The following DCBLD1 variants were observed in gnomAD, a reference collection of about 807,000 sequenced individuals.
DCBLD1 encodes discoidin, CUB and LCCL domain-containing protein 1.
A neutral mutation model predicts 71.5 loss-of-function variants in DCBLD1; 57 were observed. The observed-to-expected ratio is 0.80, with a 90% CI of 0.64 to 0.99. The LOEUF is 0.99. DCBLD1 is among the 50% of genes least tolerant of loss of function. The pLI is 0.00. For synonymous variants in DCBLD1, 380 were observed against 363.8 expected (o/e 1.04, Z -0.51); for missense variants, 891 against 923.5 (o/e 0.96, Z 0.46).
At chr6:117,567,182 A>G (rs1307399047) in intron 14 of DCBLD1, 3 of 564,736 alleles carry the variant, frequency 5.3e-6, no homozygotes, top group Non-Finnish European at 8.8e-6. Flanking sequence ...TCTAGAATCT[A>G]AAGAGGTAGT....
intron 14 of DCBLD1, chr6:117,560,660 A>G (rs1436906947): frequency 2.0e-5 from 4 of 196,386 alleles, no homozygotes; most frequent in Non-Finnish European, 4.2e-5. Context: ...TATTTTAACA[A>G]TAGTCTCACC....
chr6:117,509,280 A>T (rs569184248), intron 2 of DCBLD1, among the ~76,000 whole-genome samples: 1 of 152,242 alleles, frequency 6.6e-6, no homozygotes, highest in East Asian at 1.9e-4. Context: ...AAAAATACAA[A>T]GATTAGCTGG....
At chr6:117,518,515 G>T (rs1195983300) in intron 2 of DCBLD1, among the ~76,000 whole-genome samples, 1 of 152,098 alleles carries the variant, frequency 6.6e-6, no homozygotes, top group African/African-American at 2.4e-5. Flanking sequence ...CAACTTAACT[G>T]TATTAGTCCG....
intron 1 of DCBLD1, among the ~76,000 whole-genome samples, chr6:117,498,058 A>G (rs1386453258): frequency 6.6e-6 from 1 of 152,228 alleles, no homozygotes; most frequent in Non-Finnish European, 1.5e-5. Context: ...TGGAGATATC[A>G]GTTTGGCTGT....
chr6:117,556,843 G>A lies in DCBLD1; in HGVS notation c.1615+11246G>A, dbSNP rs1007977721. Reference sequence around the variant, plus strand: ...TGTACTAATTTACATTCCCACCAACGGTGTAAGTGCTCCCTTTACTCTGTA... The same window carrying A: ...TGTACTAATTTACATTCCCACCAACAGTGTAAGTGCTCCCTTTACTCTGTA... On this transcript the variant is annotated intron_variant, in intron 14 of 14. Transcript: ENST00000296955. Among the ~76,000 whole-genome samples the A allele has an allele frequency of 3.9e-5, 6 of 152,166 alleles. No individual in the cohort carries two copies. In the East Asian group the frequency reaches 9.7e-4, roughly 25 times the overall value.
intron 1 of DCBLD1, among the ~76,000 whole-genome samples, chr6:117,496,319 G>A (rs908505095): frequency 6.6e-6 from 1 of 152,100 alleles, no homozygotes; most frequent in African/African-American, 2.4e-5. Flanking sequence ...ATCATTACAA[G>A]TTCTGTTTTG....
downstream of DCBLD1, chr6:117,549,940 A>G: frequency 1.2e-6 from 1 of 836,778 alleles, no homozygotes; most frequent in Non-Finnish European, 1.4e-6. Context: ...CTACCACAGA[A>G]GAGAAGTCTG....
chr6:117,533,249 A>G (rs542833314), intron 6 of DCBLD1, among the ~76,000 whole-genome samples: 1 of 152,330 alleles, frequency 6.6e-6, no homozygotes, highest in South Asian at 2.1e-4. Flanking sequence ...CAGAGGTTTT[A>G]GGCGTTTTGG....
At chr6:117,501,895 T>C (rs1439513788) in intron 1 of DCBLD1, among the ~76,000 whole-genome samples, 1 of 152,132 alleles carries the variant, frequency 6.6e-6, no homozygotes, top group African/African-American at 2.4e-5. Context: ...CTGGACTCTT[T>C]TTGCTGTCTA....
intron 11 of DCBLD1, among the ~76,000 whole-genome samples, chr6:117,541,449 A>G (rs1037169095): frequency 4.1e-4 from 62 of 152,342 alleles, no homozygotes; most frequent in African/African-American, 1.4e-3. Flanking sequence ...GAAACAAAGA[A>G]TAAATATTCA....
chr6:117,525,433 A>T lies in DCBLD1; in HGVS notation c.584A>T (p.Asp195Val). Residue 195 changes from aspartate to valine, a missense_variant and splice_region_variant, in exon 5 of 15, where the codon GAT (aspartate) becomes GTT (valine). Asp to Val is a radical substitution (Grantham distance 152). Transcript: ENST00000338728. Reference sequence around the variant, plus strand: ...GGGAATATGGTAGATGGATATAGAGATGTAAGTAATTGAGGGTAATGGCAG... The same window carrying T: ...GGGAATATGGTAGATGGATATAGAGTTGTAAGTAATTGAGGGTAATGGCAG... ...ISGNMVDGYR[D>V]TSLLCKAAIH... The T allele has an allele frequency of 2.0e-6, 3 of 1,485,896 alleles. No individual in the cohort carries two copies. Among genetic ancestry groups the T allele is most frequent in the Non-Finnish European group, 2.7e-6 (3 of 1,115,280 alleles). The allele number at this position is 1,485,896 out of a possible 1,614,324, so 92.0% of individuals were successfully genotyped here.
chr6:117,514,468 A>G (rs953594745), intron 2 of DCBLD1, among the ~76,000 whole-genome samples: 3 of 152,028 alleles, frequency 2.0e-5, no homozygotes, highest in African/African-American at 7.2e-5. Flanking sequence ...TTAGCTGGAC[A>G]TGGTGGCACA....
At chr6:117,533,011 A>G (rs1314832378) in intron 6 of DCBLD1, among the ~76,000 whole-genome samples, 1 of 152,194 alleles carries the variant, frequency 6.6e-6, no homozygotes, top group Admixed American at 6.5e-5. Flanking sequence ...GTAAAACTAG[A>G]GCTGTGTAGA....
chr6:117,548,193 C>A lies in DCBLD1; in HGVS notation c.1902C>A (p.Leu634=). The A allele has an allele frequency of 3.2e-6, 5 of 1,550,446 alleles. No homozygotes were observed. The highest frequency in any genetic ancestry group is 4.4e-6 in the Non-Finnish European group (5 of 1,146,936). The change falls in exon 15 of 15, where the codon CTC becomes CTA. Residue 634 remains leucine (L), a synonymous_variant. Transcript: ENST00000338728. ...PGPQPGHKHS[L]SSGGFSPVAG... ...CCCAGCCCGGCCACAAACACTCCCT[C>A]TCCTCGGGCGGCTTCTCCCCCGTAG...
chr6:117,541,371 G>A (rs914692616), intron 11 of DCBLD1, among the ~76,000 whole-genome samples: 8 of 151,954 alleles, frequency 5.3e-5, no homozygotes, highest in Admixed American at 2.6e-4. Flanking sequence ...AGATATAGTG[G>A]CAACTTAAAA....
intron 14 of DCBLD1, chr6:117,560,527 T>A (rs1359629719): frequency 1.5e-5 from 3 of 194,562 alleles, no homozygotes; most frequent in Non-Finnish European, 3.2e-5. Context: ...TTTCTAAACA[T>A]GAAAACAGCA....
At chr6:117,519,212 A>C (rs1324814877) in intron 2 of DCBLD1, among the ~76,000 whole-genome samples, 1 of 152,208 alleles carries the variant, frequency 6.6e-6, no homozygotes, top group Non-Finnish European at 1.5e-5. Flanking sequence ...TATTTTGGAA[A>C]CAATGTTATA....
chr6:117,508,291 A>G (rs1293593735), intron 2 of DCBLD1, among the ~76,000 whole-genome samples: 2 of 152,198 alleles, frequency 1.3e-5, no homozygotes, highest in Admixed American at 6.5e-5. Context: ...TGTGTAAGAC[A>G]TTTAAGATGA....
At chr6:117,532,199 C>A in intron 5 of DCBLD1, 61 bp from the exon 6 acceptor site, 1 of 1,522,194 alleles carries the variant, frequency 6.6e-7, no homozygotes, top group Non-Finnish European at 8.8e-7. Context: ...AAATAGAAAA[C>A]TCCAACTATA....
Sources: allele counts gnomAD v4.1 joint callset (sites outside exome capture counted in the v4.1 genomes callset), GRCh38; gene constraint gnomAD v4.1.1; transcripts MANE v1.5; gene names NCBI Gene and HGNC (gene_info 2026-07-23, HGNC 2026-07-21).